Variants in CHODL observed in about 807,000 individuals in gnomAD.
CHODL encodes the protein chondrolectin.
A neutral mutation model predicts 34.5 loss-of-function variants in CHODL; 29 were observed. The ratio of observed to expected loss-of-function variants is 0.84; its 90% CI spans 0.63 to 1.15. CHODL has a LOEUF of 1.15. CHODL is among the 50% of genes most tolerant of loss of function. The pLI is 0.00. For synonymous variants in CHODL, 125 were observed against 116.1 expected (o/e 1.08, Z -0.49); for missense variants, 332 against 332.5 (o/e 1.00, Z 0.01).
At chr21:18,000,421 G>A (rs1600877023) in intron 1 of CHODL, among the ~76,000 whole-genome samples, 1 of 152,244 alleles carries the variant, frequency 6.6e-6, no homozygotes, top group Middle Eastern at 3.4e-3. Context: ...TTTTGGAGTT[G>A]GGAGTGCTCT....
At chr21:18,114,547 G>A (rs1305989240) in intron 2 of CHODL, among the ~76,000 whole-genome samples, 2 of 151,968 alleles carry the variant, frequency 1.3e-5, no homozygotes, top group African/African-American at 4.8e-5. Flanking sequence ...CTGTCTCCTC[G>A]GTTTAAGCAA....
At chr21:18,249,000 T>G (rs1322167828) in intron 1 of CHODL, among the ~76,000 whole-genome samples, 1 of 110,406 alleles carries the variant, frequency 9.1e-6, no homozygotes, top group Non-Finnish European at 1.7e-5. Context: ...ATATATGTAT[T>G]TATATATAAT....
intron 2 of CHODL, among the ~76,000 whole-genome samples, chr21:18,181,466 G>C (rs888176296): frequency 6.6e-6 from 1 of 152,178 alleles, no homozygotes; most frequent in Non-Finnish European, 1.5e-5. Context: ...GCACTGGCGG[G>C]ATCTCGGCTC....
intron 2 of CHODL, among the ~76,000 whole-genome samples, chr21:18,051,417 T>A (rs1219215828): frequency 1.3e-5 from 2 of 150,392 alleles, no homozygotes; most frequent in African/African-American, 2.5e-5. Context: ...TTTTTTTTTT[T>A]ATTTTTTCCG....
At chr21:18,103,989 A>G (rs1228828601) in intron 2 of CHODL, among the ~76,000 whole-genome samples, 2 of 152,214 alleles carry the variant, frequency 1.3e-5, no homozygotes, top group Admixed American at 6.5e-5. Flanking sequence ...GTTGTTGTGA[A>G]GACACAATGA....
chr21:18,231,441 T>C (rs760461606), intron 2 of CHODL, among the ~76,000 whole-genome samples: 6 of 152,128 alleles, frequency 3.9e-5, no homozygotes, highest in African/African-American at 4.8e-5. Flanking sequence ...AACATGCCTC[T>C]TTTCCAACTA....
intron 1 of CHODL, among the ~76,000 whole-genome samples, chr21:18,012,277 C>T (rs1385335116): frequency 1.3e-5 from 2 of 152,180 alleles, no homozygotes; most frequent in African/African-American, 4.8e-5. Context: ...ATCATTCTTC[C>T]TTTAATACAT....
intron 1 of CHODL, among the ~76,000 whole-genome samples, chr21:17,967,339 C>CT (rs2063580288): frequency 6.6e-6 from 1 of 152,172 alleles, no homozygotes; most frequent in Non-Finnish European, 1.5e-5. Flanking sequence ...TTTTCAGTGA[C>CT]TACAAATGTA....
Position 18,145,435 on chromosome 21 carries a change from C to CAAAAAAAAAAA in CHODL, c.-44-111062_-44-111052dup, listed in dbSNP as rs10671177. On this transcript the variant is annotated intron_variant, in intron 2 of 6. Transcript: ENST00000400127. ...CTAGGGGACGAGTGAGACTACCTTTCAAAAAAAAAAAAAAAAAAAAAAGCG... is the reference window on the plus strand; with the variant it reads ...CTAGGGGACGAGTGAGACTACCTTTCAAAAAAAAAAAAAAAAAAAAAAAAAAAAAAAAAGCG... Among the ~76,000 whole-genome samples, 7 of 60,894 alleles carry CAAAAAAAAAAA rather than the reference C, an allele frequency of 1.1e-4. 3 individuals carry two copies. The highest frequency in any genetic ancestry group is 6.6e-5 in the Non-Finnish European group (2 of 30,106). The allele number at this position is 60,894 out of a possible 152,430, so 39.9% of individuals were successfully genotyped here. A position where few individuals can be genotyped will look rare whatever the true frequency, so the allele number is the denominator to read the frequency against.
chr21:18,248,291 A>T (rs1339949661), intron 1 of CHODL, among the ~76,000 whole-genome samples: 3 of 151,720 alleles, frequency 2.0e-5, no homozygotes, highest in African/African-American at 7.3e-5. Flanking sequence ...AATATATACC[A>T]AGGGAGATAC....
chr21:18,069,432 A>G (rs191114851), intron 2 of CHODL, among the ~76,000 whole-genome samples: 11 of 152,146 alleles, frequency 7.2e-5, no homozygotes, highest in Admixed American at 7.2e-4. Context: ...TTTTCCAACA[A>G]TGTCATTGGT....
At chr21:18,004,860 G>T (rs2063945517) in intron 1 of CHODL, among the ~76,000 whole-genome samples, 1 of 151,444 alleles carries the variant, frequency 6.6e-6, no homozygotes, top group East Asian at 1.9e-4. Flanking sequence ...AACAGTTAAA[G>T]GTCTTAAACA....
At chr21:17,972,429 G>A (rs941604255) in intron 1 of CHODL, among the ~76,000 whole-genome samples, 21 of 152,298 alleles carry the variant, frequency 1.4e-4, no homozygotes, top group African/African-American at 4.8e-4. Flanking sequence ...AAGCTGATAA[G>A]CAACTTCAGC....
intron 2 of CHODL, among the ~76,000 whole-genome samples, chr21:18,218,853 G>A (rs138735676): frequency 0.011 from 1,649 of 152,208 alleles, 34 homozygotes; most frequent in African/African-American, 0.038. Flanking sequence ...ATCTCCATCT[G>A]AGACCACCTC....
intron 2 of CHODL, among the ~76,000 whole-genome samples, chr21:18,136,530 T>G (rs1166289570): frequency 2.0e-5 from 3 of 151,906 alleles, no homozygotes; most frequent in African/African-American, 7.3e-5. Context: ...CACTGAGTGT[T>G]TTATATACCT....
chr21:17,979,782 T>C (rs2146373649), intron 1 of CHODL, among the ~76,000 whole-genome samples: 1 of 152,282 alleles, frequency 6.6e-6, no homozygotes, highest in African/African-American at 2.4e-5. Context: ...GTACTTGGGG[T>C]TTTAGGAAAC....
chr21:18,174,318 CT>C (rs1360387798), intron 2 of CHODL, among the ~76,000 whole-genome samples: 1 of 151,030 alleles, frequency 6.6e-6, no homozygotes, highest in Non-Finnish European at 1.5e-5. Context: ...ATAATTTTTT[CT>C]TGCAATTTTT....
chr21:18,203,776 C>A (rs1398762985), intron 2 of CHODL, among the ~76,000 whole-genome samples: 4 of 152,114 alleles, frequency 2.6e-5, no homozygotes, highest in Non-Finnish European at 5.9e-5. Context: ...AGTCTGGCCA[C>A]TGGGCTGATA....
chr21:18,226,507 C>T (rs898473562), intron 2 of CHODL, among the ~76,000 whole-genome samples: 2 of 152,056 alleles, frequency 1.3e-5, no homozygotes, highest in African/African-American at 2.4e-5. Flanking sequence ...TCATGTTGGC[C>T]AGGCTGGTCT....
Sources: allele counts gnomAD v4.1 joint callset (sites outside exome capture counted in the v4.1 genomes callset), GRCh38; gene constraint gnomAD v4.1.1; transcripts MANE v1.5; gene names NCBI Gene and HGNC (gene_info 2026-07-23, HGNC 2026-07-21).